Variants in IMPDH1 observed in about 807,000 individuals in gnomAD.
The protein encoded by IMPDH1 is inosine-5'-monophosphate dehydrogenase 1.
IMPDH1 carries 41 observed loss-of-function variants against 73.5 expected under a neutral mutation model. That is an observed-to-expected ratio of 0.56 (90% CI 0.43 to 0.72). IMPDH1 has a LOEUF of 0.72. Among genes scored for constraint, IMPDH1 ranks in the 30% least tolerant of loss-of-function variants. IMPDH1 has a pLI of 0.00. For missense variants in IMPDH1, 645 were observed against 824.8 expected (o/e 0.78, Z 2.67); for synonymous variants, 318 against 334.3 (o/e 0.95, Z 0.53).
chr7:128,406,480 T>C (rs916219153), intron 3 of IMPDH1, among the ~76,000 whole-genome samples: 3 of 151,828 alleles, frequency 2.0e-5, no homozygotes, highest in Non-Finnish European at 2.9e-5. Flanking sequence ...TACCCAGCAC[T>C]AAGGACTTTG....
rs1357231171 is a variant in IMPDH1, at chr7:128,405,829, G to A, written c.291C>T (p.Tyr97=). 4.5e-6 allele frequency: 7 copies of A among 1,540,260 alleles called. No homozygotes were observed. In the Admixed American group the frequency reaches 9.9e-5, roughly 22 times the overall value. Residue 97 remains tyrosine (Y), a synonymous_variant, in exon 4 of 17, where the codon TAC becomes TAT. Coordinates refer to ENST00000338791, the MANE Select transcript of IMPDH1 (RefSeq NM_000883.4). ...GCGCGGTGAGCCCATCCTCGGGCACGTAGCCGGTGCCGCCGCTGATCAGGT... is the reference window on the plus strand; with the variant it reads ...GCGCGGTGAGCCCATCCTCGGGCACATAGCCGGTGCCGCCGCTGATCAGGT... ...ADYLISGGTG[Y]VPEDGLTAQQ...
At position 128,405,716 on chromosome 7, in the gene IMPDH1, G is replaced by A. The variant is rs752900566; in HGVS notation, c.353+51C>T. The A allele has an allele frequency of 2.0e-5, 30 of 1,512,962 alleles. No homozygotes were observed. The South Asian group carries it at 2.7e-4, about 14-fold the overall frequency. 93.7% of individuals were successfully genotyped at this position (1,512,962 alleles called of 1,614,324 possible). ...CGCGCACGTGCAGGGCCGGCCCGGG[G>A]GTCGCGGCGCGTGGATGCGCGCACC... On this transcript the variant is annotated intron_variant, in intron 4 of 16. Coordinates refer to ENST00000338791, the MANE Select transcript of IMPDH1 (RefSeq NM_000883.4).
At chr7:128,409,596 G>A in intron 1 of IMPDH1, 112 bp from the exon 2 acceptor site, 2 of 1,527,254 alleles carry the variant, frequency 1.3e-6, no homozygotes, top group Non-Finnish European at 9.1e-7. Context: ...ACCAAAGCCG[G>A]GAGCGTGGCG....
chr7:128,399,155 G>C (rs979363110), intron 9 of IMPDH1, among the ~76,000 whole-genome samples: 7 of 152,162 alleles, frequency 4.6e-5, no homozygotes, highest in Non-Finnish European at 7.3e-5. Flanking sequence ...CTTGAGGCCA[G>C]GAGTTCAAGA....
chr7:128,396,705 G>A lies in IMPDH1; in HGVS notation c.1166-10C>T, dbSNP rs781571929. 3 of 1,548,846 alleles carry A rather than the reference G, an allele frequency of 1.9e-6. No individual in the cohort carries two copies. In the African/African-American group the frequency reaches 4.1e-5, roughly 21 times the overall value. On this transcript the variant is annotated splice_polypyrimidine_tract_variant and intron_variant, in intron 11 of 16. Transcript: ENST00000338791. The surrounding 1 kb of genome is among the most constrained non-coding windows in gnomAD (Gnocchi z 4.0). ...TGGGCTGCTGTCACCACTGGGGGTG[G>A]GGATGGGGCAGAGGAACAATGTGAG...
Position 128,394,492 on chromosome 7 carries a change from C to A in IMPDH1, c.1658G>T (p.Cys553Phe). 1 of 1,614,076 alleles carries A rather than the reference C, an allele frequency of 6.2e-7. No homozygotes were observed. ...PYLIAGIQHG[C>F]QDIGARSLSV... ...CAGGCTGCGGGCCCCGATATCCTGG[C>A]AGCCGTGTTGGATGCCTGCTATGAG... Residue 553 changes from cysteine to phenylalanine, a missense_variant, in exon 15 of 17, where the codon TGC becomes TTC. Cys to Phe is a radical substitution (Grantham distance 205). Transcript: ENST00000338791. The surrounding 1 kb of genome is among the most constrained non-coding windows in gnomAD (Gnocchi z 5.5).
chr7:128,395,108 T>G, intron 13 of IMPDH1, 23 bp downstream of exon 13: 1 of 1,613,838 alleles, frequency 6.2e-7, no homozygotes, highest in Non-Finnish European at 8.5e-7. Context: ...GCCTGCCCAA[T>G]CCCCAGCACA....
Position 128,409,814 on chromosome 7 carries a change from CGT to C in IMPDH1, c.86_87del (p.His29ArgfsTer22). 6.7e-7 allele frequency: 1 copy of C among 1,499,528 alleles called. No individual in the cohort carries two copies. The highest frequency in any genetic ancestry group is 8.8e-7 in the Non-Finnish European group (1 of 1,131,972). 92.9% of individuals were successfully genotyped at this position (1,499,528 alleles called of 1,614,324 possible). The part of the protein sequence containing the change: ...PEPGARQHPG[H>X]ETAAQRYSAR... Reference sequence around the variant, plus strand: ...GCGCTGTACCGCTGCGCCGCCGTCTCGTGTCCCGGGTGTTGCCGGGCTCCGGG... The same window carrying C: ...GCGCTGTACCGCTGCGCCGCCGTCTCGTCCCGGGTGTTGCCGGGCTCCGGG... On this transcript the variant is annotated frameshift_variant, in exon 1 of 17. Coordinates refer to ENST00000338791, the MANE Select transcript of IMPDH1 (RefSeq NM_000883.4). LOFTEE classifies it high-confidence loss of function.
rs1797792112 is a variant in IMPDH1, at chr7:128,394,763, G to A, written c.1550+126C>T. 9.2e-6 allele frequency: 13 copies of A among 1,415,910 alleles called. No individual in the cohort carries two copies. Among genetic ancestry groups the A allele is most frequent in the Admixed American group, 1.7e-5 (1 of 57,752 alleles). The allele number at this position is 1,415,910 out of a possible 1,614,324, so 87.7% of individuals were successfully genotyped here. A position where few individuals can be genotyped will look rare whatever the true frequency, so the allele number is the denominator to read the frequency against. ...GACAGATCCTGGGTCTGCTACTTAA[G>A]CCCTGTGCCTCAGTTTCCAGAACCA... is the stretch of plus-strand genomic sequence containing the variant. On this transcript the variant is annotated intron_variant, in intron 14 of 16. Transcript: ENST00000338791. The surrounding 1 kb of genome is among the most constrained non-coding windows in gnomAD (Gnocchi z 5.5).
rs1015310863 is a variant in IMPDH1, at chr7:128,397,349, A to G, written c.1075-327T>C. On this transcript the variant is annotated intron_variant, in intron 10 of 16. Coordinates refer to ENST00000338791, the MANE Select transcript of IMPDH1 (RefSeq NM_000883.4). ...TCCTGTTCCCACCAACTCACTAACC[A>G]AATGAAATGACTTAACTTCTTTAAG... Among the ~76,000 whole-genome samples, 35 of 152,168 alleles carry G rather than the reference A, an allele frequency of 2.3e-4. 1 individual carries two copies. Among genetic ancestry groups the G allele is most frequent in the South Asian group, 1.0e-3 (5 of 4,828 alleles).
chr7:128,409,447 G>C lies in IMPDH1; in HGVS notation c.184C>G (p.Arg62Gly). 1 of 1,614,202 alleles carries C rather than the reference G, an allele frequency of 6.2e-7. No individual in the cohort carries two copies. The highest frequency in any genetic ancestry group is 1.7e-5 in the Admixed American group (1 of 60,036). The change falls in exon 2 of 17, where the codon CGT becomes GGT. Residue 62 changes from arginine (R) to glycine (G), a missense_variant. Coordinates refer to ENST00000338791, the MANE Select transcript of IMPDH1 (RefSeq NM_000883.4). ...CCCCAGGAGTTGGAGCCACCTGAAC[G>C]GGGTGTCGTCGGGTGTGTAGCGAGG... ...LDLATHPTTPRSELSSVVLLA... is the reference protein window; with the variant it reads ...LDLATHPTTPGSELSSVVLLA...
chr7:128,393,859 G>A (rs999146334), intron 16 of IMPDH1: 10 of 304,866 alleles, frequency 3.3e-5, no homozygotes, highest in South Asian at 9.8e-5. Context: ...CACTGCCCCC[G>A]CCCACGGTTG....
intron 5 of IMPDH1, among the ~76,000 whole-genome samples, chr7:128,401,931 C>T (rs1301301493): frequency 6.6e-6 from 1 of 152,146 alleles, no homozygotes; most frequent in Non-Finnish European, 1.5e-5. Context: ...GCAGACTTTG[C>T]TATGTAATTT....
rs757249176 is a variant in IMPDH1, at chr7:128,397,012, T to G, written c.1085A>C (p.Gln362Pro). 29 of 1,613,512 alleles carry G rather than the reference T, an allele frequency of 1.8e-5. No homozygotes were observed. The highest frequency in any genetic ancestry group is 2.3e-5 in the Non-Finnish European group (27 of 1,179,550). Residue 362 changes from glutamine to proline, a missense_variant, in exon 11 of 17, where the codon CAA (glutamine) becomes CCA (proline). By Grantham distance (76) the Gln-to-Pro change is moderately conservative. Transcript: ENST00000338791. ...GGCGATCTGATACACCGAATTCCCT[T>G]GGGACGAGTCCTGTGAGAAAGGACG... is the stretch of plus-strand genomic sequence containing the variant. ...GVDVIVLDSS[Q>P]GNSVYQIAMV...
At position 128,400,086 on chromosome 7, in the gene IMPDH1, C is replaced by G; in HGVS notation, c.874+9G>C. 6.2e-7 allele frequency: 1 copy of G among 1,604,534 alleles called. No individual in the cohort carries two copies. Among genetic ancestry groups the G allele is most frequent in the Non-Finnish European group, 8.5e-7 (1 of 1,174,104 alleles). On this transcript the variant is annotated intron_variant, in intron 9 of 16. Transcript: ENST00000338791. Reference sequence around the variant, plus strand: ...CTGGGGGTTGAGTTTTCAACTAGCTCCCTGGTACCTTTCTTGCTACGCTGC... The same window carrying G: ...CTGGGGGTTGAGTTTTCAACTAGCTGCCTGGTACCTTTCTTGCTACGCTGC...
Position 128,394,880 on chromosome 7 carries a change from T to G in IMPDH1, c.1550+9A>C. 1 of 1,610,814 alleles carries G rather than the reference T, an allele frequency of 6.2e-7. No individual in the cohort carries two copies. The highest frequency in any genetic ancestry group is 8.5e-7 in the Non-Finnish European group (1 of 1,179,952). The stretch of plus-strand genomic sequence containing the variant: ...TGATCTGCCCAGGTGGGGCCCAGGG[T>G]CAGGGAACCTGAAGTATCGTTTCTG... On this transcript the variant is annotated intron_variant, in intron 14 of 16. Transcript: ENST00000338791. The surrounding 1 kb of genome is among the most constrained non-coding windows in gnomAD (Gnocchi z 5.5).
chr7:128,394,622 A>G lies in IMPDH1; in HGVS notation c.1551-23T>C, dbSNP rs755721715. ...TCGCTGCGTGGAGGGTGGAAGACTG[A>G]GCCCAGCAGCTTGAAGCTCAGAGGA... is the stretch of plus-strand genomic sequence containing the variant. On this transcript the variant is annotated intron_variant, in intron 14 of 16. Transcript: ENST00000338791. The surrounding 1 kb of genome is among the most constrained non-coding windows in gnomAD (Gnocchi z 5.5). The G allele has an allele frequency of 6.2e-7, 1 of 1,612,408 alleles. No homozygotes were observed. Among genetic ancestry groups the G allele is most frequent in the Non-Finnish European group, 8.5e-7 (1 of 1,179,934 alleles).
At position 128,398,145 on chromosome 7, in the gene IMPDH1, ATTGT is replaced by A. The variant is rs1798058273; in HGVS notation, c.1074+265_1074+268del. On this transcript the variant is annotated intron_variant, in intron 10 of 16. Transcript: ENST00000338791. This position sits in a 1 kb window ranked among gnomAD's most constrained non-coding sequence, Gnocchi z 4.3. ...CTTTGTATCTCAGATGACACAAACC[ATTGT>A]TTGTTTTTTGAGAAAGGGTCTCGTT... 6.6e-6 allele frequency among the ~76,000 whole-genome samples: 1 copy of A among 152,290 alleles called. No individual in the cohort carries two copies. The highest frequency in any genetic ancestry group is 2.4e-5 in the African/African-American group (1 of 41,564).
chr7:128,394,201 A>G lies in IMPDH1; in HGVS notation c.1778+77T>C. On this transcript the variant is annotated intron_variant, in intron 16 of 16. Coordinates refer to ENST00000338791, the MANE Select transcript of IMPDH1 (RefSeq NM_000883.4). This position sits in a 1 kb window ranked among gnomAD's most constrained non-coding sequence, Gnocchi z 5.5. ...TGGTCCATGGGGTCCCTGGAACCTC[A>G]GCTTGACCTCAGAACCCTGGCCCCA... 2.5e-6 allele frequency: 3 copies of G among 1,218,816 alleles called. No individual in the cohort carries two copies. The highest frequency in any genetic ancestry group is 3.6e-6 in the Non-Finnish European group (3 of 824,798). The allele number at this position is 1,218,816 out of a possible 1,614,324, so 75.5% of individuals were successfully genotyped here.
Sources: allele counts gnomAD v4.1 joint callset (sites outside exome capture counted in the v4.1 genomes callset), GRCh38; gene constraint gnomAD v4.1.1; non-coding constraint Gnocchi (gnomAD v3.1); transcripts MANE v1.5; gene names NCBI Gene and HGNC (gene_info 2026-07-23, HGNC 2026-07-21).